DLG2: variants seen among roughly 807,000 people sequenced by gnomAD.
DLG2 encodes discs large MAGUK scaffold protein 2, also known as disks large homolog 2.
In DLG2, 45 loss-of-function variants were observed where a neutral mutation model predicts 132.5. The observed-to-expected ratio is 0.34, with a 90% CI of 0.27 to 0.44. The LOEUF (loss-of-function observed/expected upper bound fraction) is 0.44, where lower values mean the gene tolerates loss of function less well. Ranked by LOEUF, DLG2 falls within the 20% of genes least tolerant of loss-of-function variation. DLG2 has a pLI of 1.00. For synonymous variants in DLG2, 424 were observed against 419.6 expected (o/e 1.01, Z -0.13); for missense variants, 1,045 against 1,196.9 (o/e 0.87, Z 1.87).
chr11:84,863,171 A>T (rs1333940175), intron 6 of DLG2, among the ~76,000 whole-genome samples: 1 of 152,088 alleles, frequency 6.6e-6, no homozygotes, highest in Non-Finnish European at 1.5e-5. Context: ...CCAGCTGTTT[A>T]TGCGGCTGCA....
chr11:85,409,206 A>AT (rs746564576), intron 3 of DLG2, among the ~76,000 whole-genome samples: 4 of 152,040 alleles, frequency 2.6e-5, no homozygotes, highest in South Asian at 4.1e-4. Context: ...GATGAGACAA[A>AT]TAGGGTACAG....
At chr11:83,568,846 T>C (rs1409365555) in intron 19 of DLG2, among the ~76,000 whole-genome samples, 2 of 152,216 alleles carry the variant, frequency 1.3e-5, no homozygotes, top group Non-Finnish European at 2.9e-5. Flanking sequence ...CGCATTCACA[T>C]CTGTGATTCA....
Position 84,194,030 on chromosome 11 carries a change from G to C in DLG2, c.574-30519C>G, listed in dbSNP as rs142157730. On this transcript the variant is annotated intron_variant, in intron 8 of 27. Transcript: ENST00000376104. ...CACAGACTCAAAGATGGAAGAACCA[G>C]AGACAATATAATTCTTCATCCTATT... Among the ~76,000 whole-genome samples the C allele has an allele frequency of 4.2e-4, 64 of 152,336 alleles. No individual in the cohort carries two copies. The East Asian group carries it at 9.4e-3, about 22-fold the overall frequency.
intron 7 of DLG2, among the ~76,000 whole-genome samples, chr11:84,408,346 TA>T (rs2098870686): frequency 6.6e-6 from 1 of 151,506 alleles, no homozygotes; most frequent in African/African-American, 2.4e-5. Flanking sequence ...GTTATATATA[TA>T]TATATATATT....
chr11:84,301,282 T>C (rs1243916519), intron 7 of DLG2, among the ~76,000 whole-genome samples: 3 of 152,048 alleles, frequency 2.0e-5, no homozygotes, highest in African/African-American at 7.2e-5. Flanking sequence ...TGAAAAAAGC[T>C]CATCATCACT....
intron 6 of DLG2, among the ~76,000 whole-genome samples, chr11:84,588,734 G>A (rs1293332091): frequency 8.6e-5 from 13 of 151,252 alleles, no homozygotes; most frequent in African/African-American, 2.4e-4. Context: ...TAAAGAAGCC[G>A]GCCAAAACCC....
At chr11:85,368,426 C>A (rs1785009375) in intron 3 of DLG2, among the ~76,000 whole-genome samples, 1 of 152,192 alleles carries the variant, frequency 6.6e-6, no homozygotes, top group African/African-American at 2.4e-5. Flanking sequence ...TACTTCTCTT[C>A]TTTGACATCT....
intron 7 of DLG2, among the ~76,000 whole-genome samples, chr11:84,488,439 C>A (rs1044186031): frequency 1.3e-5 from 2 of 152,062 alleles, no homozygotes; most frequent in African/African-American, 4.8e-5. Flanking sequence ...GGAGCTTTGC[C>A]AACTGAGCCA....
intron 6 of DLG2, among the ~76,000 whole-genome samples, chr11:84,598,015 T>C (rs997219481): frequency 1.3e-5 from 2 of 152,222 alleles, no homozygotes; most frequent in Admixed American, 6.5e-5. Flanking sequence ...AAGGTAACTA[T>C]TACTGTGCAT....
In DLG2 at chr11:85,342,947, C is replaced by T. The variant is rs565424784; in HGVS notation, c.41-57582G>A. 2.6e-5 allele frequency among the ~76,000 whole-genome samples: 4 copies of T among 151,464 alleles called. No individual in the cohort carries two copies. In the East Asian group the frequency reaches 7.8e-4, roughly 30 times the overall value. ...TATACTAACACATATGTATCTAATG[C>T]ACTTTTTTTATCTACTATGACTGTG... On this transcript the variant is annotated intron_variant, in intron 3 of 27. Transcript: ENST00000376104.
intron 9 of DLG2, among the ~76,000 whole-genome samples, chr11:84,141,664 C>T (rs939922161): frequency 6.6e-6 from 1 of 152,122 alleles, no homozygotes; most frequent in Admixed American, 6.6e-5. Context: ...AGTTAGTTAA[C>T]ATTCTATTAG....
chr11:84,391,808 A>G (rs1400137921), intron 7 of DLG2, among the ~76,000 whole-genome samples: 1 of 152,000 alleles, frequency 6.6e-6, no homozygotes, highest in Non-Finnish European at 1.5e-5. Flanking sequence ...AAAAAAAAAA[A>G]AGCCAAAGCA....
intron 17 of DLG2, among the ~76,000 whole-genome samples, chr11:83,805,918 T>C (rs1442207673): frequency 1.3e-5 from 2 of 152,124 alleles, no homozygotes; most frequent in Non-Finnish European, 2.9e-5. Context: ...GGTCACTCAG[T>C]GTATTTGTAG....
chr11:83,929,024 A>T (rs1476154758), intron 15 of DLG2, among the ~76,000 whole-genome samples: 1 of 152,182 alleles, frequency 6.6e-6, no homozygotes, highest in Non-Finnish European at 1.5e-5. Context: ...AGGTGGACTT[A>T]ATGAATATTT....
chr11:83,706,242 C>T (rs1171852503), intron 18 of DLG2, among the ~76,000 whole-genome samples: 1 of 150,750 alleles, frequency 6.6e-6, no homozygotes, highest in Non-Finnish European at 1.5e-5. Context: ...CATTTTAAAA[C>T]CAACAAAATT....
chr11:83,985,723 T>C (rs991950660), intron 11 of DLG2, among the ~76,000 whole-genome samples: 3 of 152,164 alleles, frequency 2.0e-5, no homozygotes, highest in African/African-American at 7.2e-5. Context: ...TTCCATGGTG[T>C]ATATGAACCA....
chr11:84,197,036 C>CAAAAAAAAAAAAAAA (rs60877284), intron 8 of DLG2, among the ~76,000 whole-genome samples: 1 of 87,924 alleles, frequency 1.1e-5, no homozygotes, highest in African/African-American at 4.4e-5. Context: ...GACTCTTTCT[C>CAAAAAAAAAAAAAAA]AAAAAAAAAA....
intron 3 of DLG2, among the ~76,000 whole-genome samples, chr11:85,364,089 C>T (rs1235062411): frequency 1.3e-5 from 2 of 152,120 alleles, no homozygotes; most frequent in Admixed American, 1.3e-4. Flanking sequence ...TAACAAGGTT[C>T]TTTCATTTCT....
intron 6 of DLG2, among the ~76,000 whole-genome samples, chr11:84,601,585 T>C (rs1471818369): frequency 1.3e-5 from 2 of 152,074 alleles, no homozygotes; most frequent in Admixed American, 1.3e-4. Flanking sequence ...TGACAGGATT[T>C]GGTATCTCGG....
Sources: gnomAD v4.1 joint callset for allele counts (sites outside exome capture counted in the v4.1 genomes callset) on GRCh38, gnomAD v4.1.1 for gene constraint, MANE v1.5 for transcripts, NCBI Gene and HGNC (gene_info 2026-07-23, HGNC 2026-07-21) for gene names.